Variants in ARHGAP32 observed in about 807,000 individuals in gnomAD.
The protein encoded by ARHGAP32 is rho GTPase-activating protein 32.
A neutral mutation model predicts 186.5 loss-of-function variants in ARHGAP32; 51 were observed. That is an observed-to-expected ratio of 0.27 (90% CI 0.22 to 0.35). The LOEUF (loss-of-function observed/expected upper bound fraction) is 0.35. Ranked by LOEUF, ARHGAP32 falls within the 10% of genes least tolerant of loss-of-function variation. The pLI is 1.00. For missense variants in ARHGAP32, 2,186 were observed against 2,623.5 expected, an observed-to-expected ratio of 0.83 and a Z score of 3.64; for synonymous variants, 950 against 964.3, an observed-to-expected ratio of 0.99 and a Z score of 0.27.
At chr11:129,192,043 G>C (rs755468330) in intron 1 of ARHGAP32, 40 bp downstream of exon 1, 9 of 1,420,622 alleles carry the variant, frequency 6.3e-6, no homozygotes, top group South Asian at 5.7e-5. Flanking sequence ...GTGGGGGTAG[G>C]GAGTGGACAG....
At chr11:129,243,953 T>C (rs1565478757) in intron 1 of ARHGAP32, among the ~76,000 whole-genome samples, 1 of 152,206 alleles carries the variant, frequency 6.6e-6, no homozygotes, top group Non-Finnish European at 1.5e-5. Context: ...TACTACCAAA[T>C]GTATTTTAAG....
At chr11:128,994,380 C>G (rs918665123) in intron 12 of ARHGAP32, among the ~76,000 whole-genome samples, 1 of 151,974 alleles carries the variant, frequency 6.6e-6, no homozygotes, top group Non-Finnish European at 1.5e-5. Context: ...GTCTTGAACT[C>G]CTGACCTCAG....
chr11:128,980,900 T>A, intron 17 of ARHGAP32, 152 bp from the exon 18 acceptor site: 2 of 562,264 alleles, frequency 3.6e-6, no homozygotes, highest in East Asian at 2.9e-5. Context: ...TTATATTAAA[T>A]GAAAAACTGA....
At chr11:129,049,987 T>C (rs1939973998) in intron 10 of ARHGAP32, among the ~76,000 whole-genome samples, 1 of 152,248 alleles carries the variant, frequency 6.6e-6, no homozygotes. Flanking sequence ...AACTTAATTC[T>C]TATTTATATC....
At chr11:129,012,345 G>C (rs1311300719) in intron 11 of ARHGAP32, among the ~76,000 whole-genome samples, 1 of 152,126 alleles carries the variant, frequency 6.6e-6, no homozygotes, top group Non-Finnish European at 1.5e-5. Flanking sequence ...ACTTTGACTT[G>C]GAAACATCAA....
chr11:129,030,617 A>G (rs2134962182), intron 11 of ARHGAP32: 1 of 152,370 alleles, frequency 6.6e-6, no homozygotes, highest in East Asian at 1.9e-4. Context: ...TGTTAACAAA[A>G]AAAAAGTTAT....
intron 17 of ARHGAP32, 132 bp downstream of exon 17, chr11:128,981,283 TA>T: frequency 6.6e-6 from 6 of 912,732 alleles, no homozygotes; most frequent in Non-Finnish European, 9.8e-6. Flanking sequence ...TGCATTTTGG[TA>T]AGCAGCCATA....
At chr11:129,165,574 T>G (rs1385350375) in intron 1 of ARHGAP32, among the ~76,000 whole-genome samples, 1 of 147,358 alleles carries the variant, frequency 6.8e-6, no homozygotes, top group African/African-American at 2.5e-5. Flanking sequence ...CAGTAAATAT[T>G]ATGAGGCATG....
At chr11:129,168,638 T>C (rs1943688082) in intron 1 of ARHGAP32, among the ~76,000 whole-genome samples, 1 of 152,172 alleles carries the variant, frequency 6.6e-6, no homozygotes, top group Non-Finnish European at 1.5e-5. Context: ...AGTATATGAC[T>C]TGAACAATTC....
chr11:128,974,553 G>C lies in ARHGAP32; in HGVS notation c.2644C>G (p.Leu882Val). The change falls in exon 21 of 23, where the codon CTG (leucine) becomes GTG (valine). Residue 882 changes from leucine to valine, a missense_variant. Physicochemically the swap from Leu to Val is conservative, Grantham distance 32. This residue lies in a region of ARHGAP32 where 1,502 missense variants were observed against 1,570.0 expected (regional missense o/e 0.96). Transcript: ENST00000682385. ...TTATCTTCAGTTGGGCTCAAGTCCA[G>C]GGTAAAGAATGGACTCAGTTTCTCC... ...LQEKLSPFFT[L>V]DLSPTEDKSS... The C allele has an allele frequency of 6.2e-7, 1 of 1,614,184 alleles. No individual in the cohort carries two copies. The highest frequency in any genetic ancestry group is 8.5e-7 in the Non-Finnish European group (1 of 1,180,020).
chr11:129,120,943 A>C (rs1314986484), intron 5 of ARHGAP32, among the ~76,000 whole-genome samples: 1 of 152,110 alleles, frequency 6.6e-6, no homozygotes, highest in African/African-American at 2.4e-5. Context: ...TCTATTATTG[A>C]CACATTTTAC....
intron 1 of ARHGAP32, among the ~76,000 whole-genome samples, chr11:129,224,921 G>A: frequency 6.6e-6 from 1 of 152,008 alleles, no homozygotes; most frequent in East Asian, 1.9e-4. Context: ...AGACCAGCCT[G>A]GACAACATAG....
intron 6 of ARHGAP32, among the ~76,000 whole-genome samples, chr11:129,069,684 G>A (rs1191696552): frequency 6.6e-6 from 1 of 152,038 alleles, no homozygotes; most frequent in African/African-American, 2.4e-5. Context: ...AGCATGCCCT[G>A]GTGATCATTC....
chr11:129,039,025 G>A (rs1321473176), intron 11 of ARHGAP32, among the ~76,000 whole-genome samples: 1 of 151,714 alleles, frequency 6.6e-6, no homozygotes, highest in African/African-American at 2.4e-5. Context: ...CAAAATGCAA[G>A]TCAAATCCAC....
intron 12 of ARHGAP32, among the ~76,000 whole-genome samples, chr11:128,988,457 TG>T (rs1480298623): frequency 1.3e-5 from 2 of 152,204 alleles, no homozygotes; most frequent in East Asian, 3.8e-4. Flanking sequence ...CAAAGTGAAC[TG>T]TTTAGTCCTA....
Position 128,966,279 on chromosome 11 carries a change from G to C in ARHGAP32, c.*2628C>G, listed in dbSNP as rs1157494909. 1 of 152,226 alleles carries C rather than the reference G, an allele frequency of 6.6e-6. No individual in the cohort carries two copies. The highest frequency in any genetic ancestry group is 2.4e-5 in the African/African-American group (1 of 41,462). 9.4% of individuals were successfully genotyped at this position (152,226 alleles called of 1,614,324 possible). On this transcript the variant is annotated 3_prime_UTR_variant, in exon 23 of 23. Transcript: ENST00000682385. The stretch of plus-strand genomic sequence containing the variant: ...TAATGCTCCATGTCAAAATTTGAAA[G>C]TAATAACATTCAGTTACCCCATTTG...
intron 2 of ARHGAP32, among the ~76,000 whole-genome samples, chr11:129,163,751 C>G (rs912290988): frequency 6.6e-6 from 1 of 152,124 alleles, no homozygotes; most frequent in South Asian, 2.1e-4. Context: ...CAGATTGTGT[C>G]ACTGCTCAGC....
intron 1 of ARHGAP32, among the ~76,000 whole-genome samples, chr11:129,182,520 G>C (rs1222931296): frequency 6.6e-6 from 1 of 151,434 alleles, no homozygotes; most frequent in Admixed American, 6.6e-5. Flanking sequence ...GATGTTTTTT[G>C]TTTTATGTAG....
chr11:129,150,410 T>A (rs1461871865), intron 2 of ARHGAP32, among the ~76,000 whole-genome samples: 1 of 152,142 alleles, frequency 6.6e-6, no homozygotes, highest in Non-Finnish European at 1.5e-5. Flanking sequence ...GCCTGGCTCC[T>A]GCAGTGCCCC....
Sources: allele counts gnomAD v4.1 joint callset (sites outside exome capture counted in the v4.1 genomes callset), GRCh38; gene constraint gnomAD v4.1.1; regional missense constraint gnomAD v4.1.1; transcripts MANE v1.5; gene names NCBI Gene and HGNC (gene_info 2026-07-23, HGNC 2026-07-21).